Variants in JPT2 observed in about 807,000 individuals in gnomAD.
JPT2 encodes Jupiter microtubule associated homolog 2, also known as CRAMP_1 like.
JPT2 carries 9 observed loss-of-function variants against 15.9 expected under a neutral mutation model. The ratio of observed to expected loss-of-function variants is 0.57; its 90% CI spans 0.34 to 0.99. JPT2 has a LOEUF of 0.99. Among genes scored for constraint, JPT2 ranks in the 50% least tolerant of loss-of-function variants. JPT2 has a pLI of 0.02. For missense variants in JPT2, 267 were observed against 252.1 expected (o/e 1.06, Z -0.40); for synonymous variants, 95 against 91.7 (o/e 1.04, Z -0.21).
intron 1 of JPT2, 28 bp downstream of exon 1, chr16:1,678,384 G>A: frequency 8.1e-7 from 1 of 1,228,478 alleles, no homozygotes; most frequent in South Asian, 4.1e-5. Flanking sequence ...CGGGAGGCGG[G>A]CGGATAGCGC....
intron 1 of JPT2, chr16:1,683,656 G>A: frequency 1.7e-6 from 2 of 1,182,498 alleles, no homozygotes; most frequent in East Asian, 2.5e-5. Flanking sequence ...TGCAGGCGGA[G>A]ACTGAAGCAC....
At chr16:1,693,902 A>G (rs1417505140) in intron 3 of JPT2, among the ~76,000 whole-genome samples, 1 of 151,974 alleles carries the variant, frequency 6.6e-6, no homozygotes, top group Admixed American at 6.6e-5. Flanking sequence ...AAGTGAAATA[A>G]TTGCAGTGGA....
intron 3 of JPT2, among the ~76,000 whole-genome samples, chr16:1,697,256 A>G (rs1447457610): frequency 6.6e-6 from 1 of 152,188 alleles, no homozygotes; most frequent in Admixed American, 6.5e-5. Context: ...GCTCACGCCT[A>G]TAATCCCAGC....
chr16:1,682,156 A>C (rs937391208), intron 1 of JPT2, among the ~76,000 whole-genome samples: 1 of 151,972 alleles, frequency 6.6e-6, no homozygotes, highest in South Asian at 2.1e-4. Flanking sequence ...CGGGCGGATC[A>C]CTTGAGGTCA....
chr16:1,680,458 G>C, intron 1 of JPT2: 2 of 1,240,316 alleles, frequency 1.6e-6, no homozygotes, highest in Non-Finnish European at 2.1e-6. Context: ...CTTCCTTTTA[G>C]GATGGTGAGG....
rs1596510569 is a variant in JPT2 at position 1,697,969 on chromosome 16, C to T, written c.385+109C>T. The stretch of plus-strand genomic sequence containing the variant: ...GGAGTCTTTCTTTGCACCTTCTGGG[C>T]CACCTGATTAAAACGAGCTCAGGTG... On this transcript the variant is annotated intron_variant, in intron 4 of 4. Coordinates refer to ENST00000248098, the MANE Select transcript of JPT2 (RefSeq NM_144570.3). The T allele has an allele frequency of 4.1e-6, 4 of 966,008 alleles. No homozygotes were observed. The Admixed American group carries it at 8.1e-5, about 20-fold the overall frequency. The allele number at this position is 966,008 out of a possible 1,614,324, so 59.8% of individuals were successfully genotyped here.
chr16:1,685,463 A>C lies in JPT2; in HGVS notation c.69A>C (p.Glu23Asp). 6.2e-7 allele frequency: 1 copy of C among 1,614,194 alleles called. No homozygotes were observed. The highest frequency in any genetic ancestry group is 8.5e-7 in the Non-Finnish European group (1 of 1,180,032). The change falls in exon 2 of 5, where the codon GAA becomes GAC. Residue 23 changes from glutamate to aspartate, a missense_variant. Coordinates refer to ENST00000248098, the MANE Select transcript of JPT2 (RefSeq NM_144570.3). ...GSRAMKPPGG[E>D]SSNLFGSPEE... ...GGGCCATGAAGCCCCCAGGAGGAGAATCGAGCAATCTTTTTGGAAGTCCAG... is the reference window on the plus strand; with the variant it reads ...GGGCCATGAAGCCCCCAGGAGGAGACTCGAGCAATCTTTTTGGAAGTCCAG...
chr16:1,699,651 G>A lies in JPT2; in HGVS notation c.*653G>A, dbSNP rs911222831. On this transcript the variant is annotated 3_prime_UTR_variant, in exon 5 of 5. Coordinates refer to ENST00000248098, the MANE Select transcript of JPT2 (RefSeq NM_144570.3). Reference sequence around the variant, plus strand: ...CCCAGTTCCTGCCATCTGAAACCTCGGCCTGATCTGATCTCATGTTGGAAT... The same window carrying A: ...CCCAGTTCCTGCCATCTGAAACCTCAGCCTGATCTGATCTCATGTTGGAAT... The A allele has an allele frequency of 5.8e-5, 16 of 273,698 alleles. No individual in the cohort carries two copies. The highest frequency in any genetic ancestry group is 1.2e-4 in the Non-Finnish European group (16 of 138,354). 17.0% of individuals were successfully genotyped at this position (273,698 alleles called of 1,614,324 possible).
At chr16:1,680,761 C>G (rs2037016328) in intron 1 of JPT2, among the ~76,000 whole-genome samples, 2 of 152,178 alleles carry the variant, frequency 1.3e-5, no homozygotes, top group Non-Finnish European at 2.9e-5. Context: ...AACCTGAGGT[C>G]TTCCTTCAAG....
At chr16:1,696,251 A>C (rs111656959) in intron 3 of JPT2, among the ~76,000 whole-genome samples, 199 of 132,762 alleles carry the variant, frequency 1.5e-3, no homozygotes, top group African/African-American at 6.1e-3. Context: ...AACAAACAAA[A>C]AAGCCTGGGC....
At position 1,681,087 on chromosome 16, in the gene JPT2, T is replaced by G. The variant is rs552107207; in HGVS notation, c.44+2731T>G. Among the ~76,000 whole-genome samples the G allele has an allele frequency of 9.8e-4, 150 of 152,290 alleles. 1 individual carries two copies. Among genetic ancestry groups the G allele is most frequent in the Non-Finnish European group, 1.7e-3 (114 of 68,006 alleles). On this transcript the variant is annotated intron_variant, in intron 1 of 4. Coordinates refer to ENST00000248098, the MANE Select transcript of JPT2 (RefSeq NM_144570.3). ...AATTGGGAAGCACCCCCCACTCACA[T>G]TGTGAATTTGTCCCCAAATGTGTGA...
At chr16:1,684,605 T>C (rs2037050499) in intron 1 of JPT2, among the ~76,000 whole-genome samples, 2 of 152,088 alleles carry the variant, frequency 1.3e-5, no homozygotes, top group Admixed American at 1.3e-4. Flanking sequence ...CTGGGTGTGG[T>C]GGCGCATACC....
At position 1,701,865 on chromosome 16, in the gene JPT2, T is replaced by C. The variant is rs2037182263; in HGVS notation, c.*2867T>C. 1 of 293,194 alleles carries C rather than the reference T, an allele frequency of 3.4e-6. No individual in the cohort carries two copies. 18.2% of individuals were successfully genotyped at this position (293,194 alleles called of 1,614,324 possible). On this transcript the variant is annotated 3_prime_UTR_variant, in exon 5 of 5. Coordinates refer to ENST00000248098, the MANE Select transcript of JPT2 (RefSeq NM_144570.3). ...CAGCCTAGACAACATACTACGACCC[T>C]GTCTATACAAAAAAAAACTTCTCTA...
intron 2 of JPT2, chr16:1,686,372 CAAAAAA>C (rs1214089961): frequency 8.5e-6 from 1 of 118,288 alleles, no homozygotes; most frequent in Admixed American, 8.5e-5. Flanking sequence ...GACTCCGTCT[CAAAAAA>C]AAAAAGAAAA....
chr16:1,701,413 A>C lies in JPT2; in HGVS notation c.*2415A>C, dbSNP rs951343034. The stretch of plus-strand genomic sequence containing the variant: ...GTGTAACAGTTGAATTAAACTTAGC[A>C]ATCACGTGCTCAGAGCTTTTGCCTG... On this transcript the variant is annotated 3_prime_UTR_variant, in exon 5 of 5. Coordinates refer to ENST00000248098, the MANE Select transcript of JPT2 (RefSeq NM_144570.3). The C allele has an allele frequency of 6.6e-6, 1 of 152,342 alleles. No individual in the cohort carries two copies. The highest frequency in any genetic ancestry group is 1.5e-5 in the Non-Finnish European group (1 of 68,030). 9.4% of individuals were successfully genotyped at this position (152,342 alleles called of 1,614,324 possible).
rs1426061508 is a variant in JPT2, at chr16:1,687,733, G to A, written c.193+2146G>A. ...GCTTCTCATGGTCCTTCTCACGGTT[G>A]TTGGGAGTTTTCCTATCTCTCCAGT... On this transcript the variant is annotated intron_variant, in intron 2 of 4. Coordinates refer to ENST00000248098, the MANE Select transcript of JPT2 (RefSeq NM_144570.3). Among the ~76,000 whole-genome samples, 3 of 152,188 alleles carry A rather than the reference G, an allele frequency of 2.0e-5. No individual in the cohort carries two copies. The South Asian group carries it at 6.2e-4, about 32-fold the overall frequency.
chr16:1,687,154 T>C (rs1479511467), intron 2 of JPT2, among the ~76,000 whole-genome samples: 1 of 152,104 alleles, frequency 6.6e-6, no homozygotes, highest in Non-Finnish European at 1.5e-5. Flanking sequence ...AGGTAATTTT[T>C]TTTTGTATTT....
chr16:1,686,973 G>GT (rs1286639058), intron 2 of JPT2, among the ~76,000 whole-genome samples: 2 of 152,100 alleles, frequency 1.3e-5, no homozygotes, highest in South Asian at 2.1e-4. Context: ...CCAGAAACTA[G>GT]TTTTTTCTTT....
intron 3 of JPT2, chr16:1,692,192 G>C (rs945061989): frequency 2.7e-5 from 18 of 655,192 alleles, no homozygotes; most frequent in African/African-American, 1.5e-4. Context: ...CTGAAGCCGT[G>C]GGGGAAGCTC....
Sources: gnomAD v4.1 joint callset for allele counts (sites outside exome capture counted in the v4.1 genomes callset) on GRCh38, gnomAD v4.1.1 for gene constraint, MANE v1.5 for transcripts, NCBI Gene and HGNC (gene_info 2026-07-23, HGNC 2026-07-21) for gene names.